The following RAD51B variants were observed in gnomAD, a reference collection of about 807,000 sequenced individuals.
RAD51B encodes the protein RAD51 paralog B, also known as DNA repair protein RAD51 homolog 2.
Under a neutral mutation model 42.2 loss-of-function variants are expected in RAD51B, and 38 were observed. The observed-to-expected ratio is 0.90, with a 90% CI of 0.70 to 1.18. The LOEUF is 1.18. Ranked by LOEUF, RAD51B falls within the 50% of genes most tolerant of loss-of-function variation. The probability of loss-of-function intolerance (pLI) is 0.00; values close to 1 mark genes in which losing one functional copy is unlikely to be tolerated. For missense variants in RAD51B, 373 were observed against 400.7 expected, an observed-to-expected ratio of 0.93 and a Z score of 0.59; for synonymous variants, 154 against 145.2, an observed-to-expected ratio of 1.06 and a Z score of -0.43.
intron 3 of RAD51B, among the ~76,000 whole-genome samples, chr14:67,827,971 A>C (rs2040890573): frequency 6.6e-6 from 1 of 152,168 alleles, no homozygotes; most frequent in Admixed American, 6.5e-5. Context: ...TATATTTATA[A>C]TAGAATGATT....
At chr14:68,570,181 C>T (rs1889624396) in intron 10 of RAD51B, among the ~76,000 whole-genome samples, 1 of 152,190 alleles carries the variant, frequency 6.6e-6, no homozygotes, top group Admixed American at 6.5e-5. Context: ...ACCCAGGTCC[C>T]TCTGCCCTGA....
At chr14:68,299,627 A>C (rs1330129214) in intron 8 of RAD51B, among the ~76,000 whole-genome samples, 2 of 152,294 alleles carry the variant, frequency 1.3e-5, no homozygotes, top group East Asian at 3.9e-4. Flanking sequence ...CTGAGGGACA[A>C]CTGTATTAAT....
At chr14:68,211,656 T>C (rs1167583405) in intron 7 of RAD51B, among the ~76,000 whole-genome samples, 2 of 152,168 alleles carry the variant, frequency 1.3e-5, no homozygotes, top group Admixed American at 6.5e-5. Flanking sequence ...TATCAGAGCA[T>C]AGTTGTGGAA....
intron 5 of RAD51B, 144 bp downstream of exon 5, chr14:67,865,283 C>A: frequency 2.4e-6 from 2 of 842,460 alleles, no homozygotes; most frequent in Non-Finnish European, 3.2e-6. Flanking sequence ...TGTTGCCGGG[C>A]TGGAGTGCAG....
chr14:68,172,418 C>G (rs1478106443), intron 7 of RAD51B, among the ~76,000 whole-genome samples: 1 of 152,174 alleles, frequency 6.6e-6, no homozygotes, highest in African/African-American at 2.4e-5. Context: ...TTTCTATTTT[C>G]TAATTTGGAG....
intron 7 of RAD51B, among the ~76,000 whole-genome samples, chr14:67,947,920 C>A (rs920952721): frequency 6.6e-6 from 1 of 152,124 alleles, no homozygotes; most frequent in African/African-American, 2.4e-5. Flanking sequence ...CTTTACATAG[C>A]CCATTTATCT....
At chr14:67,938,977 G>A (rs1463078692) in intron 7 of RAD51B, among the ~76,000 whole-genome samples, 1 of 152,192 alleles carries the variant, frequency 6.6e-6, no homozygotes, top group Non-Finnish European at 1.5e-5. Flanking sequence ...AACAATATTT[G>A]TTGTTGTTGT....
In RAD51B at chr14:68,183,969, G is replaced by A. The variant is rs2079103560; in HGVS notation, c.757-107915G>A. 5.0e-5 allele frequency among the ~76,000 whole-genome samples: 4 copies of A among 79,390 alleles called. No homozygotes were observed. In the Admixed American group the frequency reaches 5.5e-4, roughly 11 times the overall value. 52.1% of individuals were successfully genotyped at this position (79,390 alleles called of 152,430 possible). A position where few individuals can be genotyped will look rare whatever the true frequency, so the allele number is the denominator to read the frequency against. ...TAGGCGGGCGTGGTGGCGGGCACCT[G>A]TAGTCCCAGCTACTCGGGGGGGGTG... On this transcript the variant is annotated intron_variant, in intron 7 of 10. Coordinates refer to ENST00000471583, the MANE Select transcript of RAD51B (RefSeq NM_133510.4).
chr14:67,904,652 T>C (rs899708720), intron 7 of RAD51B, among the ~76,000 whole-genome samples: 18 of 151,770 alleles, frequency 1.2e-4, no homozygotes, highest in Admixed American at 9.2e-4. Flanking sequence ...CTGCTAAGCA[T>C]GCCACCACAC....
At chr14:68,058,735 T>G (rs1318322610) in intron 7 of RAD51B, among the ~76,000 whole-genome samples, 1 of 152,236 alleles carries the variant, frequency 6.6e-6, no homozygotes, top group Non-Finnish European at 1.5e-5. Context: ...AAATTCTTAG[T>G]GTATATATGT....
chr14:68,541,567 C>T lies in RAD51B; in HGVS notation c.1037-52918C>T, dbSNP rs1432766318. ...GGGAAAGTTGAGTCTAGATGGCATG[C>T]GGTATTCCTTGGGTATGTTTTCTCA... is the stretch of plus-strand genomic sequence containing the variant. On this transcript the variant is annotated intron_variant, in intron 10 of 10. Transcript: ENST00000487270. The T allele has an allele frequency of 1.1e-5, 11 of 985,300 alleles. No homozygotes were observed. In the South Asian group the frequency reaches 1.4e-4, roughly 13 times the overall value. 61.0% of individuals were successfully genotyped at this position (985,300 alleles called of 1,614,324 possible).
chr14:67,953,475 C>G (rs2074490759), intron 7 of RAD51B, among the ~76,000 whole-genome samples: 1 of 152,126 alleles, frequency 6.6e-6, no homozygotes, highest in Admixed American at 6.6e-5. Flanking sequence ...ACTTTATTCT[C>G]TAGCAGTGGG....
At position 68,312,568 on chromosome 14, in the gene RAD51B, A is replaced by T. The variant is rs549053692; in HGVS notation, c.853+20588A>T. On this transcript the variant is annotated intron_variant, in intron 8 of 10. Coordinates refer to ENST00000471583, the MANE Select transcript of RAD51B (RefSeq NM_133510.4). The stretch of plus-strand genomic sequence containing the variant: ...GGTAGCTGGACTTTCAAGGAAAAAA[A>T]AATAATCCAGCCCTGGTAATCACAC... Among the ~76,000 whole-genome samples the T allele has an allele frequency of 2.0e-5, 3 of 152,326 alleles. No homozygotes were observed. The South Asian group carries it at 6.2e-4, about 32-fold the overall frequency.
chr14:68,498,373 G>A (rs1884691570), intron 10 of RAD51B, among the ~76,000 whole-genome samples: 1 of 152,218 alleles, frequency 6.6e-6, no homozygotes, highest in Non-Finnish European at 1.5e-5. Flanking sequence ...TAAGCAAGGG[G>A]CAGACTGGAG....
intron 7 of RAD51B, among the ~76,000 whole-genome samples, chr14:68,016,644 A>G (rs1253739722): frequency 6.6e-6 from 1 of 152,246 alleles, no homozygotes; most frequent in East Asian, 1.9e-4. Context: ...AAAGAGTACA[A>G]GCCAACTCAC....
At chr14:68,214,341 T>A (rs569128930) in intron 7 of RAD51B, among the ~76,000 whole-genome samples, 1 of 152,202 alleles carries the variant, frequency 6.6e-6, no homozygotes. Flanking sequence ...GGAATTGTGT[T>A]ACCCCTGGTA....
At chr14:67,879,201 G>A (rs919174389) in intron 5 of RAD51B, among the ~76,000 whole-genome samples, 3 of 152,226 alleles carry the variant, frequency 2.0e-5, no homozygotes, top group African/African-American at 4.8e-5. Context: ...TAGTCCATAG[G>A]TGGAATTTCA....
intron 10 of RAD51B, among the ~76,000 whole-genome samples, chr14:68,635,124 G>C (rs1224643199): frequency 6.6e-6 from 1 of 152,182 alleles, no homozygotes; most frequent in Non-Finnish European, 1.5e-5. Context: ...ATTCCACTTA[G>C]GGTGATTGAA....
At chr14:68,364,140 C>T (rs1380903289) in intron 8 of RAD51B, among the ~76,000 whole-genome samples, 7 of 152,232 alleles carry the variant, frequency 4.6e-5, no homozygotes. Context: ...TCCATCCTCC[C>T]TGCTCTCCGA....
Sources: gnomAD v4.1 joint callset for allele counts (sites outside exome capture counted in the v4.1 genomes callset) on GRCh38, gnomAD v4.1.1 for gene constraint, MANE v1.5 for transcripts, NCBI Gene and HGNC (gene_info 2026-07-23, HGNC 2026-07-21) for gene names.